The following SNTG2 variants were observed in gnomAD, a reference collection of about 807,000 sequenced individuals.
The protein encoded by SNTG2 is gamma-2-syntrophin.
SNTG2 carries 74 observed loss-of-function variants against 70.9 expected under a neutral mutation model. The ratio of observed to expected loss-of-function variants is 1.04; its 90% CI spans 0.86 to 1.27. SNTG2 has a LOEUF of 1.27. Ranked by LOEUF, SNTG2 falls within the 50% of genes most tolerant of loss-of-function variation. The probability of loss-of-function intolerance (pLI) is 0.00; values close to 1 mark genes in which losing one functional copy is unlikely to be tolerated. For missense variants in SNTG2, 717 were observed against 690.7 expected (o/e 1.04, Z -0.43); for synonymous variants, 278 against 273.8 (o/e 1.02, Z -0.15).
intron 1 of SNTG2, among the ~76,000 whole-genome samples, chr2:953,192 A>G (rs1029038153): frequency 1.3e-5 from 2 of 152,154 alleles, no homozygotes; most frequent in Non-Finnish European, 2.9e-5. Context: ...TTTCTAAGTT[A>G]AGTGAGTTCA....
At chr2:1,208,463 G>C (rs1307824851) in intron 8 of SNTG2, among the ~76,000 whole-genome samples, 1 of 152,146 alleles carries the variant, frequency 6.6e-6, no homozygotes, top group Non-Finnish European at 1.5e-5. Flanking sequence ...AATGGGAGGT[G>C]GGTGGATCCT....
In SNTG2 at chr2:1,065,422, C is replaced by T. The variant is rs138820357; in HGVS notation, c.73-18096C>T. On this transcript the variant is annotated intron_variant, in intron 1 of 16. Coordinates refer to ENST00000308624, the MANE Select transcript of SNTG2 (RefSeq NM_018968.4). ...GCCCCTGGCAACTGAGAGGTGACATCCCCCAAACCTACCCCAGCACACCCT... is the reference window on the plus strand; with the variant it reads ...GCCCCTGGCAACTGAGAGGTGACATTCCCCAAACCTACCCCAGCACACCCT... 2.2e-4 allele frequency among the ~76,000 whole-genome samples: 34 copies of T among 152,254 alleles called. No homozygotes were observed. The East Asian group carries it at 5.6e-3, about 25-fold the overall frequency.
intron 7 of SNTG2, among the ~76,000 whole-genome samples, chr2:1,169,910 T>C (rs1275662714): frequency 6.6e-6 from 1 of 152,200 alleles, no homozygotes; most frequent in African/African-American, 2.4e-5. Flanking sequence ...GTGAAAAATG[T>C]TAAAATCTTA....
At chr2:1,311,183 T>C (rs1357842772) in intron 15 of SNTG2, among the ~76,000 whole-genome samples, 6 of 152,184 alleles carry the variant, frequency 3.9e-5, no homozygotes, top group Non-Finnish European at 7.3e-5. Context: ...AGGTCAACTT[T>C]GTGTAAAGAT....
At chr2:1,066,617 G>T (rs1663170072) in intron 1 of SNTG2, among the ~76,000 whole-genome samples, 1 of 152,016 alleles carries the variant, frequency 6.6e-6, no homozygotes, top group Admixed American at 6.6e-5. Context: ...GGTCATCACT[G>T]GTTGTCATAT....
At chr2:1,208,465 G>A (rs1673808446) in intron 8 of SNTG2, among the ~76,000 whole-genome samples, 1 of 152,160 alleles carries the variant, frequency 6.6e-6, no homozygotes, top group African/African-American at 2.4e-5. Context: ...TGGGAGGTGG[G>A]TGGATCCTGT....
chr2:1,356,462 C>T (rs577365531), intron 16 of SNTG2, among the ~76,000 whole-genome samples: 86 of 152,274 alleles, frequency 5.6e-4, no homozygotes, highest in African/African-American at 1.9e-3. Context: ...CACTGTATAG[C>T]GTTAGCCCTT....
chr2:1,206,215 C>T (rs1300926863), intron 8 of SNTG2, among the ~76,000 whole-genome samples: 3 of 152,216 alleles, frequency 2.0e-5, no homozygotes, highest in Non-Finnish European at 4.4e-5. Context: ...AGCACATGAA[C>T]TCCCTCAGAG....
chr2:1,278,261 C>A (rs568067789), intron 14 of SNTG2, among the ~76,000 whole-genome samples: 2 of 152,134 alleles, frequency 1.3e-5, no homozygotes, highest in Non-Finnish European at 2.9e-5. Flanking sequence ...TTATGGAGGG[C>A]AGAAGGTGTT....
rs1553335385 is a variant in SNTG2 at position 1,132,246 on chromosome 2, T to TATAC, written c.326-5375_326-5374insTACA. 7.3e-5 allele frequency among the ~76,000 whole-genome samples: 11 copies of TATAC among 151,122 alleles called. No individual in the cohort carries two copies. In the South Asian group the frequency reaches 1.3e-3, roughly 17 times the overall value. ...GTGTATATATGTGTGTGTATATATA[T>TATAC]ACACACACACACACACATACATACA... is the stretch of plus-strand genomic sequence containing the variant. On this transcript the variant is annotated intron_variant, in intron 4 of 16. Transcript: ENST00000308624.
At chr2:1,058,295 C>T (rs555298220) in intron 1 of SNTG2, among the ~76,000 whole-genome samples, 1 of 152,074 alleles carries the variant, frequency 6.6e-6, no homozygotes, top group African/African-American at 2.4e-5. Context: ...TTTGTGTCCA[C>T]AGCATGTGGT....
chr2:1,311,297 G>A (rs748095013), intron 15 of SNTG2, among the ~76,000 whole-genome samples: 4 of 152,154 alleles, frequency 2.6e-5, no homozygotes, highest in Admixed American at 6.5e-5. Context: ...CATTTTTCTC[G>A]TGATTATTTC....
At chr2:1,321,913 C>T (rs1207760700) in intron 16 of SNTG2, among the ~76,000 whole-genome samples, 2 of 142,236 alleles carry the variant, frequency 1.4e-5, no homozygotes, top group Admixed American at 1.4e-4. Context: ...TCCTTCCCTC[C>T]TTCCTTCCTT....
intron 1 of SNTG2, among the ~76,000 whole-genome samples, chr2:1,062,874 TCA>T (rs1426239455): frequency 6.6e-6 from 1 of 152,190 alleles, no homozygotes; most frequent in African/African-American, 2.4e-5. Flanking sequence ...GCATACACAC[TCA>T]CAAACCCATA....
chr2:981,618 CATAT>C (rs1328056415), intron 1 of SNTG2, among the ~76,000 whole-genome samples: 16 of 151,768 alleles, frequency 1.1e-4, no homozygotes, highest in African/African-American at 3.9e-4. Context: ...TGCACATATG[CATAT>C]ACACACAGGT....
chr2:1,210,020 T>C (rs1352350677), intron 9 of SNTG2, among the ~76,000 whole-genome samples: 4 of 152,148 alleles, frequency 2.6e-5, no homozygotes, highest in Non-Finnish European at 5.9e-5. Flanking sequence ...GGCTATAGTA[T>C]GTATGATGGG....
At position 1,076,027 on chromosome 2, in the gene SNTG2, C is replaced by T. The variant is rs6740261; in HGVS notation, c.73-7491C>T. On this transcript the variant is annotated intron_variant, in intron 1 of 16. Transcript: ENST00000308624. ...GTAGGCAGCACGTGGCAGACGTCGT[C>T]GGACGTGTCTGTGGCTCGCTCCACC... Among the ~76,000 whole-genome samples, 953 of 152,286 alleles carry T rather than the reference C, an allele frequency of 6.3e-3. 11 individuals carry two copies. The highest frequency in any genetic ancestry group is 0.022 in the African/African-American group (896 of 41,554).
intron 1 of SNTG2, among the ~76,000 whole-genome samples, chr2:1,023,758 A>G (rs927350489): frequency 1.3e-5 from 2 of 152,110 alleles, no homozygotes; most frequent in Admixed American, 6.5e-5. Context: ...CTTAGGCTCA[A>G]TGTCAAGTGG....
At chr2:1,124,320 A>ATG in intron 4 of SNTG2, among the ~76,000 whole-genome samples, 3 of 105,364 alleles carry the variant, frequency 2.8e-5, no homozygotes, top group African/African-American at 4.2e-5. Context: ...TCTCAGACAG[A>ATG]GGCTTGCTTT....
Sources: gnomAD v4.1 joint callset for allele counts (sites outside exome capture counted in the v4.1 genomes callset) on GRCh38, gnomAD v4.1.1 for gene constraint, MANE v1.5 for transcripts, NCBI Gene and HGNC (gene_info 2026-07-23, HGNC 2026-07-21) for gene names.